EDF1: variants seen among roughly 807,000 people sequenced by gnomAD.
The protein encoded by EDF1 is endothelial differentiation-related factor 1.
A neutral mutation model predicts 20.8 loss-of-function variants in EDF1; 5 were observed. The observed-to-expected ratio is 0.24, with a 90% CI of 0.13 to 0.51. The LOEUF (loss-of-function observed/expected upper bound fraction) is 0.51. EDF1 is among the 20% of genes least tolerant of loss of function. EDF1 has a pLI of 0.97. For synonymous variants in EDF1, 96 were observed against 78.5 expected, an observed-to-expected ratio of 1.22 and a Z score of -1.18; for missense variants, 137 against 197.8, an observed-to-expected ratio of 0.69 and a Z score of 1.84.
In EDF1 at chr9:136,863,800, G is replaced by A; in HGVS notation, c.130+20C>T. On this transcript the variant is annotated intron_variant, in intron 2 of 4. Coordinates refer to ENST00000224073, the MANE Select transcript of EDF1 (RefSeq NM_003792.4). This position sits in a 1 kb window ranked among gnomAD's most constrained non-coding sequence, Gnocchi z 4.5. ...CCCACAGCACAGCCTCATGTTGCAA[G>A]CGGAAACACAAGTACCTACATTTCT... is the stretch of plus-strand genomic sequence containing the variant. The A allele has an allele frequency of 6.2e-7, 1 of 1,613,826 alleles. No individual in the cohort carries two copies. The highest frequency in any genetic ancestry group is 1.7e-5 in the Admixed American group (1 of 60,022).
Position 136,862,841 on chromosome 9 carries a change from AC to A in EDF1, c.385+64del. On this transcript the variant is annotated intron_variant, in intron 4 of 4. Coordinates refer to ENST00000224073, the MANE Select transcript of EDF1 (RefSeq NM_003792.4). This position sits in a 1 kb window ranked among gnomAD's most constrained non-coding sequence, Gnocchi z 4.1. ...CTTCCCCCGAGTCCCACTCTCACCAACCCCAGCTGGGAGCGGGTAGCCTCCC... is the reference window on the plus strand; with the variant it reads ...CTTCCCCCGAGTCCCACTCTCACCAACCCAGCTGGGAGCGGGTAGCCTCCC... 6.2e-7 allele frequency: 1 copy of A among 1,611,492 alleles called. No individual in the cohort carries two copies. Among genetic ancestry groups the A allele is most frequent in the Non-Finnish European group, 8.5e-7 (1 of 1,179,840 alleles).
intron 1 of EDF1, among the ~76,000 whole-genome samples, chr9:136,865,332 C>T (rs540670666): frequency 2.6e-5 from 4 of 152,126 alleles, no homozygotes; most frequent in African/African-American, 9.7e-5. Context: ...TCCACCTGCT[C>T]ATGGGGTCCC....
chr9:136,866,112 C>T lies in EDF1; in HGVS notation c.78+69G>A. The T allele has an allele frequency of 2.7e-6, 4 of 1,501,692 alleles. No individual in the cohort carries two copies. The South Asian group carries it at 4.9e-5, about 18-fold the overall frequency. The allele number at this position is 1,501,692 out of a possible 1,614,324, so 93.0% of individuals were successfully genotyped here. A position where few individuals can be genotyped will look rare whatever the true frequency, so the allele number is the denominator to read the frequency against. On this transcript the variant is annotated intron_variant, in intron 1 of 4. Coordinates refer to ENST00000224073, the MANE Select transcript of EDF1 (RefSeq NM_003792.4). The stretch of plus-strand genomic sequence containing the variant: ...GCCTGCCCTTCCCCGAGCCCCCTGC[C>T]CCACGGTCCGTGGCCCCGGCCCAGC...
chr9:136,865,007 T>G (rs1849186413), intron 1 of EDF1, among the ~76,000 whole-genome samples: 1 of 152,202 alleles, frequency 6.6e-6, no homozygotes, highest in Admixed American at 6.5e-5. Context: ...ATTATTCCCA[T>G]GACTCCTAGC....
rs1436286100 is a variant in EDF1, at chr9:136,863,114, C to CGCAGCTGGGTTTT, written c.292-128_292-116dup. The CGCAGCTGGGTTTT allele has an allele frequency of 1.2e-4, 184 of 1,521,648 alleles. No homozygotes were observed. Among genetic ancestry groups the CGCAGCTGGGTTTT allele is most frequent in the Non-Finnish European group, 7.5e-5 (83 of 1,110,064 alleles). 94.3% of individuals were successfully genotyped at this position (1,521,648 alleles called of 1,614,324 possible). On this transcript the variant is annotated intron_variant, in intron 3 of 4. Transcript: ENST00000224073. The surrounding 1 kb of genome is among the most constrained non-coding windows in gnomAD (Gnocchi z 4.5). The stretch of plus-strand genomic sequence containing the variant: ...AGGGCCCCTGGGGTACGCACCCACA[C>CGCAGCTGGGTTTT]GCAGCTGGGTTTTGTGCGAGAGGCA...
At position 136,862,997 on chromosome 9, in the gene EDF1, T is replaced by C. The variant is rs1022518662; in HGVS notation, c.294A>G (p.Lys98=). 5.6e-6 allele frequency: 9 copies of C among 1,613,762 alleles called. No individual in the cohort carries two copies. In the African/African-American group the frequency reaches 1.2e-4, roughly 22 times the overall value. ...CGATCACCTGTGGCTTCTCATTGAT[T>C]TTCTAAAGAGAAGATGTGCTTTATA... The part of the protein sequence containing the change: ...KGLTQKDLAT[K]INEKPQVIAD... Residue 98 remains lysine, a splice_region_variant and synonymous_variant, in exon 4 of 5, where the codon AAA becomes AAG. Transcript: ENST00000224073. The surrounding 1 kb of genome is among the most constrained non-coding windows in gnomAD (Gnocchi z 4.1).
chr9:136,863,759 C>G lies in EDF1; in HGVS notation c.130+61G>C, dbSNP rs1255394010. The G allele has an allele frequency of 1.3e-6, 2 of 1,599,008 alleles. No individual in the cohort carries two copies. The highest frequency in any genetic ancestry group is 2.7e-5 in the African/African-American group (2 of 74,552). On this transcript the variant is annotated intron_variant, in intron 2 of 4. Coordinates refer to ENST00000224073, the MANE Select transcript of EDF1 (RefSeq NM_003792.4). The surrounding 1 kb of genome is among the most constrained non-coding windows in gnomAD (Gnocchi z 4.5). ...CCCGGGGGCGCCGCACACACCACAC[C>G]CACCAGCACATGGACCCCACAGCAC... is the stretch of plus-strand genomic sequence containing the variant.
chr9:136,863,186 A>C lies in EDF1; in HGVS notation c.291+102T>G. The stretch of plus-strand genomic sequence containing the variant: ...CTTCCCGAGGCATTCCCTGCAGGGG[A>C]ACCAGGGGGGTGGAGCCCACCCTCC... On this transcript the variant is annotated intron_variant, in intron 3 of 4. Transcript: ENST00000224073. This position sits in a 1 kb window ranked among gnomAD's most constrained non-coding sequence, Gnocchi z 4.5. 1 of 1,544,814 alleles carries C rather than the reference A, an allele frequency of 6.5e-7. No individual in the cohort carries two copies. The highest frequency in any genetic ancestry group is 8.7e-7 in the Non-Finnish European group (1 of 1,144,178).
Position 136,863,831 on chromosome 9 carries a change from G to GTC in EDF1, c.117_118dup (p.Thr40ArgfsTer35). The GTC allele has an allele frequency of 6.2e-7, 1 of 1,613,880 alleles. No homozygotes were observed. The highest frequency in any genetic ancestry group is 8.5e-7 in the Non-Finnish European group (1 of 1,179,966). The stretch of plus-strand genomic sequence containing the variant: ...ACACAAGTACCTACATTTCTTGGAA[G>GTC]TCTCCACATCTTCTCCTCGTCTCTG... On this transcript the variant is annotated frameshift_variant, in exon 2 of 5. Transcript: ENST00000224073. LOFTEE classifies it high-confidence loss of function. The surrounding 1 kb of genome is among the most constrained non-coding windows in gnomAD (Gnocchi z 4.5).
In EDF1 at chr9:136,862,470, G is replaced by A. The variant is rs367953340; in HGVS notation, c.386-125C>T. 51 of 1,612,958 alleles carry A rather than the reference G, an allele frequency of 3.2e-5. No homozygotes were observed. In the East Asian group the frequency reaches 3.3e-4, roughly 11 times the overall value. ...GCTCCCGTGCCTCACTGGGCTCTCA[G>A]CACACGAGCACTCCTGGTTCCCACA... is the stretch of plus-strand genomic sequence containing the variant. On this transcript the variant is annotated intron_variant, in intron 4 of 4. Transcript: ENST00000224073. The surrounding 1 kb of genome is among the most constrained non-coding windows in gnomAD (Gnocchi z 4.1).
chr9:136,863,776 C>T lies in EDF1; in HGVS notation c.130+44G>A. ...CACCACACCCACCAGCACATGGACC[C>T]CACAGCACAGCCTCATGTTGCAAGC... On this transcript the variant is annotated intron_variant, in intron 2 of 4. Transcript: ENST00000224073. This position sits in a 1 kb window ranked among gnomAD's most constrained non-coding sequence, Gnocchi z 4.5. 1 of 1,612,076 alleles carries T rather than the reference C, an allele frequency of 6.2e-7. No homozygotes were observed. The highest frequency in any genetic ancestry group is 8.5e-7 in the Non-Finnish European group (1 of 1,178,570).
In EDF1 at chr9:136,863,720, C is replaced by A; in HGVS notation, c.130+100G>T. 2.1e-6 allele frequency: 3 copies of A among 1,449,772 alleles called. No individual in the cohort carries two copies. Among genetic ancestry groups the A allele is most frequent in the South Asian group, 2.4e-5 (2 of 85,044 alleles). The allele number at this position is 1,449,772 out of a possible 1,614,324, so 89.8% of individuals were successfully genotyped here. A position where few individuals can be genotyped will look rare whatever the true frequency, so the allele number is the denominator to read the frequency against. ...GCCAGCACCGGTGCAGGCAGGCACT[C>A]AGCTGACAACGTCCCCGGGGGCGCC... On this transcript the variant is annotated intron_variant, in intron 2 of 4. Transcript: ENST00000224073. The surrounding 1 kb of genome is among the most constrained non-coding windows in gnomAD (Gnocchi z 4.5).
At chr9:136,865,224 C>G (rs1157047028) in intron 1 of EDF1, among the ~76,000 whole-genome samples, 1 of 152,112 alleles carries the variant, frequency 6.6e-6, no homozygotes, top group East Asian at 1.9e-4. Flanking sequence ...CCTATTACAT[C>G]AGACTCACAA....
Position 136,862,942 on chromosome 9 carries a change from T to C in EDF1, c.349A>G (p.Asn117Asp). The change falls in exon 4 of 5, where the codon AAT (asparagine) becomes GAT (aspartate). Residue 117 changes from asparagine to aspartate, a missense_variant. Transcript: ENST00000224073. The surrounding 1 kb of genome is among the most constrained non-coding windows in gnomAD (Gnocchi z 4.1). ...TCGATTTTGCCAAGCACCTGGTTAT[T>C]GGGTATGGCCCGTCCGCTCTCATAG... ...ADYESGRAIPNNQVLGKIERA... is the reference protein window; with the variant it reads ...ADYESGRAIPDNQVLGKIERA... 1 of 1,614,006 alleles carries C rather than the reference T, an allele frequency of 6.2e-7. No individual in the cohort carries two copies.
chr9:136,863,553 G>C lies in EDF1; in HGVS notation c.131-105C>G. The C allele has an allele frequency of 1.4e-6, 2 of 1,420,034 alleles. No homozygotes were observed. The highest frequency in any genetic ancestry group is 1.4e-5 in the South Asian group (1 of 73,692). The allele number at this position is 1,420,034 out of a possible 1,614,324, so 88.0% of individuals were successfully genotyped here. On this transcript the variant is annotated intron_variant, in intron 2 of 4. Transcript: ENST00000224073. The surrounding 1 kb of genome is among the most constrained non-coding windows in gnomAD (Gnocchi z 4.5). Reference sequence around the variant, plus strand: ...ACCCCAGAGGCTGCCTGAACTCAAGGGGACATGGGAACCCAGGCTGTCCCA... The same window carrying C: ...ACCCCAGAGGCTGCCTGAACTCAAGCGGACATGGGAACCCAGGCTGTCCCA...
chr9:136,863,041 ACTG>A lies in EDF1; in HGVS notation c.292-45_292-43del. On this transcript the variant is annotated intron_variant, in intron 3 of 4. Coordinates refer to ENST00000224073, the MANE Select transcript of EDF1 (RefSeq NM_003792.4). The surrounding 1 kb of genome is among the most constrained non-coding windows in gnomAD (Gnocchi z 4.5). ...CTTTATACACATCAGCTCCACTAGG[ACTG>A]CTGCAAAACCAGGCGCGAAGCGTCG... 6.2e-7 allele frequency: 1 copy of A among 1,611,274 alleles called. No homozygotes were observed. Among genetic ancestry groups the A allele is most frequent in the Non-Finnish European group, 8.5e-7 (1 of 1,178,502 alleles).
chr9:136,863,725 G>T lies in EDF1; in HGVS notation c.130+95C>A. 6.7e-7 allele frequency: 1 copy of T among 1,488,892 alleles called. No homozygotes were observed. The highest frequency in any genetic ancestry group is 1.2e-5 in the South Asian group (1 of 86,410). 92.2% of individuals were successfully genotyped at this position (1,488,892 alleles called of 1,614,324 possible). A position where few individuals can be genotyped will look rare whatever the true frequency, so the allele number is the denominator to read the frequency against. ...CACCGGTGCAGGCAGGCACTCAGCT[G>T]ACAACGTCCCCGGGGGCGCCGCACA... is the stretch of plus-strand genomic sequence containing the variant. On this transcript the variant is annotated intron_variant, in intron 2 of 4. Transcript: ENST00000224073. The surrounding 1 kb of genome is among the most constrained non-coding windows in gnomAD (Gnocchi z 4.5).
rs1422224762 is a variant in EDF1 at position 136,862,613 on chromosome 9, G to A, written c.386-268C>T. 6.5e-7 allele frequency: 1 copy of A among 1,531,190 alleles called. No individual in the cohort carries two copies. The highest frequency in any genetic ancestry group is 1.2e-5 in the South Asian group (1 of 83,634). 94.9% of individuals were successfully genotyped at this position (1,531,190 alleles called of 1,614,324 possible). A position where few individuals can be genotyped will look rare whatever the true frequency, so the allele number is the denominator to read the frequency against. ...CTGGCTTCCGGCCCCATGCTGACAG[G>A]GCCCGGACCCGCTGTGCTCAGGCTC... On this transcript the variant is annotated intron_variant, in intron 4 of 4. Coordinates refer to ENST00000224073, the MANE Select transcript of EDF1 (RefSeq NM_003792.4). This position sits in a 1 kb window ranked among gnomAD's most constrained non-coding sequence, Gnocchi z 4.1.
chr9:136,862,881 C>T lies in EDF1; in HGVS notation c.385+25G>A, dbSNP rs73564276. ...GGGTAGCCTCCCTGTTCAGCGGACCCGGCGAAGGGTGGAGGGACACTCACC... is the reference window on the plus strand; with the variant it reads ...GGGTAGCCTCCCTGTTCAGCGGACCTGGCGAAGGGTGGAGGGACACTCACC... On this transcript the variant is annotated intron_variant, in intron 4 of 4. Transcript: ENST00000224073. The surrounding 1 kb of genome is among the most constrained non-coding windows in gnomAD (Gnocchi z 4.1). The T allele has an allele frequency of 5.8e-4, 938 of 1,612,722 alleles. 7 individuals are homozygous for T. In the African/African-American group the frequency reaches 0.011, roughly 19 times the overall value.
Sources: allele counts gnomAD v4.1 joint callset (sites outside exome capture counted in the v4.1 genomes callset), GRCh38; gene constraint gnomAD v4.1.1; non-coding constraint Gnocchi (gnomAD v3.1); transcripts MANE v1.5; gene names NCBI Gene and HGNC (gene_info 2026-07-23, HGNC 2026-07-21).